MEP1B: variants seen among roughly 807,000 people sequenced by gnomAD.
The protein encoded by MEP1B is N-benzoyl-L-tyrosyl-P-amino-benzoic acid hydrolase subunit beta.
In MEP1B, 80 loss-of-function variants were observed where a neutral mutation model predicts 84.6. The observed-to-expected ratio is 0.95, with a 90% CI of 0.79 to 1.14. The LOEUF (loss-of-function observed/expected upper bound fraction) is 1.14. MEP1B is among the 50% of genes most tolerant of loss of function. The probability of loss-of-function intolerance (pLI) is 0.00; values close to 1 mark genes in which losing one functional copy is unlikely to be tolerated. For synonymous variants in MEP1B, 273 were observed against 288.1 expected, an observed-to-expected ratio of 0.95 and a Z score of 0.53; for missense variants, 766 against 855.1, an observed-to-expected ratio of 0.90 and a Z score of 1.30.
At chr18:32,207,207 T>A (rs1232254694) in intron 7 of MEP1B, 45 bp from the exon 8 acceptor site, 5 of 1,323,288 alleles carry the variant, frequency 3.8e-6, no homozygotes, top group Non-Finnish European at 5.3e-6. Context: ...TAAGATAAGC[T>A]GAATTTTGTG....
intron 9 of MEP1B, 139 bp downstream of exon 9, chr18:32,208,410 C>T: frequency 2.4e-6 from 2 of 840,156 alleles, no homozygotes; most frequent in Non-Finnish European, 3.4e-6. Flanking sequence ...GAGAAGTAGG[C>T]CTTGCACCTG....
chr18:32,194,546 T>G (rs1199775354), intron 4 of MEP1B, among the ~76,000 whole-genome samples: 1 of 151,966 alleles, frequency 6.6e-6, no homozygotes, highest in Non-Finnish European at 1.5e-5. Flanking sequence ...CCACGTTCTC[T>G]CTTAGACTCA....
intron 8 of MEP1B, among the ~76,000 whole-genome samples, chr18:32,207,900 G>T (rs999420165): frequency 1.3e-4 from 20 of 152,088 alleles, no homozygotes; most frequent in Non-Finnish European, 2.8e-4. Context: ...TTTTAAAAAA[G>T]ACTTCAGGCA....
chr18:32,198,676 G>C (rs1205328644), intron 5 of MEP1B, among the ~76,000 whole-genome samples: 1 of 152,294 alleles, frequency 6.6e-6, no homozygotes, highest in Admixed American at 6.5e-5. Context: ...GAACGCAAAT[G>C]GGGAAGGACT....
chr18:32,218,247 C>T (rs2041114593), intron 14 of MEP1B, among the ~76,000 whole-genome samples: 1 of 152,026 alleles, frequency 6.6e-6, no homozygotes, highest in African/African-American at 2.4e-5. Flanking sequence ...GGTCTGTGAC[C>T]TGAAAGGCAC....
At position 32,196,842 on chromosome 18, in the gene MEP1B, G is replaced by T. The variant is rs1447581660; in HGVS notation, c.250+1357G>T. On this transcript the variant is annotated intron_variant, in intron 5 of 14. Transcript: ENST00000269202. The surrounding 1 kb of genome is among the most constrained non-coding windows in gnomAD (Gnocchi z 4.4). ...CACTGCCTTCTGCTGGCTTCTCAGG[G>T]CCTCTGCGTACTTGCCCATGATGTA... 4 of 566,158 alleles carry T rather than the reference G, an allele frequency of 7.1e-6. No homozygotes were observed. The highest frequency in any genetic ancestry group is 2.6e-5 in the Admixed American group (1 of 37,884). The allele number at this position is 566,158 out of a possible 1,614,324, so 35.1% of individuals were successfully genotyped here. A position where few individuals can be genotyped will look rare whatever the true frequency, so the allele number is the denominator to read the frequency against.
In MEP1B at chr18:32,213,570, C is replaced by A; in HGVS notation, c.1579+11C>A. The A allele has an allele frequency of 6.3e-7, 1 of 1,579,166 alleles. No individual in the cohort carries two copies. Among genetic ancestry groups the A allele is most frequent in the South Asian group, 1.1e-5 (1 of 90,186 alleles). Reference sequence around the variant, plus strand: ...CATTTATGACCACCGGTTCGTAACTCATTTTCTTTATTGCTAATAAACAAT... The same window carrying A: ...CATTTATGACCACCGGTTCGTAACTAATTTTCTTTATTGCTAATAAACAAT... On this transcript the variant is annotated intron_variant, in intron 11 of 14. Coordinates refer to ENST00000269202, the MANE Select transcript of MEP1B (RefSeq NM_005925.3).
intron 2 of MEP1B, among the ~76,000 whole-genome samples, chr18:32,192,243 T>C (rs2040808911): frequency 6.6e-6 from 1 of 152,140 alleles, no homozygotes; most frequent in Admixed American, 6.5e-5. Context: ...AGAATTTTGC[T>C]TGAAAGTTCC....
Position 32,213,322 on chromosome 18 carries a change from C to G in MEP1B, c.1342C>G (p.Leu448Val). The part of the protein sequence containing the change: ...TQFIGSPNGT[L>V]YSPPFYSSKG... ...GTTCATTGGCAGCCCAAATGGAACT[C>G]TGTATAGCCCTCCATTTTACTCTTC... Residue 448 changes from leucine to valine, a missense_variant, in exon 11 of 15, where the codon CTG (leucine) becomes GTG (valine). By Grantham distance (32) the Leu-to-Val change is conservative. Transcript: ENST00000269202. 1 of 1,613,872 alleles carries G rather than the reference C, an allele frequency of 6.2e-7. No homozygotes were observed. Among genetic ancestry groups the G allele is most frequent in the Non-Finnish European group, 8.5e-7 (1 of 1,179,818 alleles).
Position 32,220,335 on chromosome 18 carries a change from C to A in MEP1B, c.*90C>A. ...TAAGTGATATTACAGCCACCTCATT[C>A]TTCTAAAAGTGGATATTTTTCTGTA... On this transcript the variant is annotated 3_prime_UTR_variant, in exon 15 of 15. Coordinates refer to ENST00000269202, the MANE Select transcript of MEP1B (RefSeq NM_005925.3). 1 of 1,203,094 alleles carries A rather than the reference C, an allele frequency of 8.3e-7. No homozygotes were observed. Among genetic ancestry groups the A allele is most frequent in the Non-Finnish European group, 1.2e-6 (1 of 838,250 alleles). The allele number at this position is 1,203,094 out of a possible 1,614,324, so 74.5% of individuals were successfully genotyped here.
rs374927710 is a variant in MEP1B at position 32,204,234 on chromosome 18, G to A, written c.421G>A (p.Gly141Arg). ...RRVGKQELSI[G>R]ANCDRIATVQ... ...GGTTGGGAAGCAAGAACTTTCCATCGGGGCAAACTGTGACCGAATAGCAAC... is the reference window on the plus strand; with the variant it reads ...GGTTGGGAAGCAAGAACTTTCCATCAGGGCAAACTGTGACCGAATAGCAAC... Residue 141 changes from glycine (G) to arginine (R), a missense_variant, in exon 7 of 15, where the codon GGG becomes AGG. Physicochemically the swap from Gly to Arg is moderately radical, Grantham distance 125 (BLOSUM62 -2). Transcript: ENST00000269202. The A allele has an allele frequency of 9.3e-6, 15 of 1,605,682 alleles. No homozygotes were observed. The highest frequency in any genetic ancestry group is 1.3e-5 in the African/African-American group (1 of 74,556).
chr18:32,199,615 TA>T (rs1393750299), intron 5 of MEP1B, among the ~76,000 whole-genome samples: 6 of 152,244 alleles, frequency 3.9e-5, no homozygotes, highest in Non-Finnish European at 8.8e-5. Flanking sequence ...GTCTTTTGAT[TA>T]AAAAATTTTT....
chr18:32,204,127 T>C (rs2040939546), intron 6 of MEP1B, 55 bp from the exon 7 acceptor site: 3 of 1,512,990 alleles, frequency 2.0e-6, no homozygotes, highest in Non-Finnish European at 2.7e-6. Flanking sequence ...GATTCTGCCC[T>C]GAGACCTCAG....
Position 32,217,841 on chromosome 18 carries a change from C to T in MEP1B, c.1967C>T (p.Ala656Val), listed in dbSNP as rs2041108719. The stretch of plus-strand genomic sequence containing the variant: ...TCCACCCGAGACACCATAGTCATTG[C>T]TGTTTCATCTACTGTTGCTGTGTTT... ...RGSTRDTIVI[A>V]VSSTVAVFAL... The change falls in exon 14 of 15, where the codon GCT (alanine) becomes GTT (valine). Residue 656 changes from alanine (A) to valine (V), a missense_variant. Ala to Val is a moderately conservative substitution (Grantham distance 64). Coordinates refer to ENST00000269202, the MANE Select transcript of MEP1B (RefSeq NM_005925.3). 6.2e-7 allele frequency: 1 copy of T among 1,613,826 alleles called. No individual in the cohort carries two copies.
chr18:32,208,389 AGG>A, intron 9 of MEP1B, 118 bp downstream of exon 9: 5 of 1,099,198 alleles, frequency 4.5e-6, no homozygotes, highest in Non-Finnish European at 6.3e-6. Context: ...ATTATTCATT[AGG>A]TTACTACTGA....
chr18:32,206,689 G>A (rs1038711661), intron 7 of MEP1B, among the ~76,000 whole-genome samples: 2 of 152,086 alleles, frequency 1.3e-5, no homozygotes, highest in Admixed American at 6.6e-5. Context: ...TTGGCTCACT[G>A]CAACCTCCGC....
At chr18:32,215,040 A>G (rs1389893666) in intron 11 of MEP1B, 42 bp from the exon 12 acceptor site, 17 of 1,414,852 alleles carry the variant, frequency 1.2e-5, no homozygotes, top group Non-Finnish European at 1.7e-5. Flanking sequence ...AAAAGCTACG[A>G]TGATGATAAA....
At chr18:32,190,454 C>T (rs2040791262) in intron 1 of MEP1B, among the ~76,000 whole-genome samples, 1 of 152,088 alleles carries the variant, frequency 6.6e-6, no homozygotes, top group Admixed American at 6.5e-5. Context: ...GATTGCTGCA[C>T]AGTAACTTGA....
intron 9 of MEP1B, among the ~76,000 whole-genome samples, chr18:32,209,478 C>T (rs1311586316): frequency 1.5e-5 from 2 of 136,160 alleles, no homozygotes; most frequent in Non-Finnish European, 3.0e-5. Flanking sequence ...CAGAGTAAGA[C>T]GTTGTCTCAA....
Sources: gnomAD v4.1 joint callset for allele counts (sites outside exome capture counted in the v4.1 genomes callset) on GRCh38, gnomAD v4.1.1 for gene constraint, Gnocchi (gnomAD v3.1) non-coding constraint, MANE v1.5 for transcripts, NCBI Gene and HGNC (gene_info 2026-07-23, HGNC 2026-07-21) for gene names.